Variants in INTS9 observed in about 807,000 individuals in gnomAD.
INTS9 encodes protein related to CPSF subunits of 74 kDa.
INTS9 carries 55 observed loss-of-function variants against 79.7 expected under a neutral mutation model. That is an observed-to-expected ratio of 0.69 (90% CI 0.56 to 0.86). The LOEUF is 0.86. Ranked by LOEUF, INTS9 falls within the 40% of genes least tolerant of loss-of-function variation. The pLI, the probability that INTS9 is intolerant of heterozygous loss-of-function variation, is 0.00. For missense variants in INTS9, 721 were observed against 831.5 expected, an observed-to-expected ratio of 0.87 and a Z score of 1.64; for synonymous variants, 319 against 325.2, an observed-to-expected ratio of 0.98 and a Z score of 0.20.
intron 6 of INTS9, among the ~76,000 whole-genome samples, chr8:28,819,770 A>G (rs1447673193): frequency 2.6e-5 from 4 of 152,062 alleles, no homozygotes; most frequent in Non-Finnish European, 5.9e-5. Flanking sequence ...GTCTCCCATT[A>G]TTATTGTGTG....
intron 3 of INTS9, 106 bp downstream of exon 3, chr8:28,850,107 A>G (rs1807747893): frequency 4.0e-6 from 2 of 503,968 alleles, no homozygotes; most frequent in South Asian, 3.5e-5. Context: ...TCAGAGAGGA[A>G]AAAAAAAAAA....
intron 11 of INTS9, chr8:28,783,497 ATGT>A (rs1487162268): frequency 6.6e-6 from 1 of 152,270 alleles, no homozygotes; most frequent in East Asian, 1.9e-4. Flanking sequence ...CTGTTGCCAC[ATGT>A]TGTGCATGAG....
intron 8 of INTS9, chr8:28,798,657 C>G (rs1804348727): frequency 6.6e-6 from 1 of 152,170 alleles, no homozygotes; most frequent in South Asian, 2.1e-4. Context: ...CATCACCAAG[C>G]CCGGCTAACT....
chr8:28,809,951 C>T (rs1293827836), intron 8 of INTS9, among the ~76,000 whole-genome samples: 1 of 152,206 alleles, frequency 6.6e-6, no homozygotes, highest in African/African-American at 2.4e-5. Context: ...ATGGTTCTCC[C>T]TGTATTAAAA....
intron 2 of INTS9, among the ~76,000 whole-genome samples, chr8:28,852,180 C>A (rs748301315): frequency 2.0e-5 from 3 of 152,036 alleles, no homozygotes; most frequent in Non-Finnish European, 2.9e-5. Flanking sequence ...GATTGTGCCA[C>A]TGCCACAAAG....
At chr8:28,772,146 C>G (rs944453102) in intron 14 of INTS9, among the ~76,000 whole-genome samples, 2 of 152,204 alleles carry the variant, frequency 1.3e-5, no homozygotes, top group Non-Finnish European at 2.9e-5. Context: ...CAGGCCTGAG[C>G]CAATGTGCCT....
At chr8:28,831,811 G>A (rs535886251) in intron 6 of INTS9, among the ~76,000 whole-genome samples, 1 of 152,174 alleles carries the variant, frequency 6.6e-6, no homozygotes, top group South Asian at 2.1e-4. Flanking sequence ...CGACTCTCCT[G>A]CCTTAGCCTT....
chr8:28,816,322 T>A (rs1400760912), intron 6 of INTS9, among the ~76,000 whole-genome samples: 3 of 108,648 alleles, frequency 2.8e-5, no homozygotes, highest in African/African-American at 1.1e-4. Flanking sequence ...CCCACAACAG[T>A]CCCCAGAGTG....
chr8:28,804,632 C>T (rs1047465691), intron 8 of INTS9, among the ~76,000 whole-genome samples: 4 of 152,024 alleles, frequency 2.6e-5, no homozygotes, highest in Non-Finnish European at 4.4e-5. Flanking sequence ...AGGAGGGTCC[C>T]TGAGGGTCAA....
intron 2 of INTS9, among the ~76,000 whole-genome samples, chr8:28,859,179 A>T (rs1436414772): frequency 6.6e-6 from 1 of 152,240 alleles, no homozygotes. Flanking sequence ...TGAAATATAC[A>T]TGACCTCAGT....
At chr8:28,818,445 G>A (rs1805630831) in intron 6 of INTS9, among the ~76,000 whole-genome samples, 1 of 151,930 alleles carries the variant, frequency 6.6e-6, no homozygotes, top group African/African-American at 2.4e-5. Flanking sequence ...TTTATATGCT[G>A]GATTACATTT....
At chr8:28,769,662 G>A in intron 16 of INTS9, 2 of 544,096 alleles carry the variant, frequency 3.7e-6, no homozygotes, top group Non-Finnish European at 6.4e-6. Flanking sequence ...CTTCAGTCTG[G>A]AGAGGCCTTC....
chr8:28,808,711 T>C (rs1301746368), intron 8 of INTS9, among the ~76,000 whole-genome samples: 1 of 152,266 alleles, frequency 6.6e-6, no homozygotes, highest in Non-Finnish European at 1.5e-5. Flanking sequence ...ACTTTTATTC[T>C]TTCTTTTCTG....
chr8:28,864,186 T>TA (rs1236714920), intron 1 of INTS9, among the ~76,000 whole-genome samples: 2 of 151,828 alleles, frequency 1.3e-5, no homozygotes, highest in South Asian at 2.1e-4. Context: ...GTACAAAAAA[T>TA]AAAAAAAATT....
chr8:28,787,875 T>G lies in INTS9; in HGVS notation c.1052A>C (p.Lys351Thr). Residue 351 changes from lysine (K) to threonine (T), a missense_variant, in exon 11 of 17, where the codon AAA becomes ACA. Around this residue, in one of 3 missense-constraint regions of INTS9, gnomAD observed 149 missense variants for 223.7 expected, o/e 0.67. Transcript: ENST00000521022. ...QIFAEWLCHNKQSKVYLPEPP... is the reference protein window; with the variant it reads ...QIFAEWLCHNTQSKVYLPEPP... ...TTCTGGAAGATACACCTTACTCTGT[T>G]TGTTGTGACAAAGCCTATTAAAGAG... The G allele has an allele frequency of 6.2e-7, 1 of 1,602,446 alleles. No homozygotes were observed. The highest frequency in any genetic ancestry group is 1.1e-5 in the South Asian group (1 of 90,124).
chr8:28,802,390 C>T lies in INTS9; in HGVS notation c.745-5735G>A, dbSNP rs569686498. 5.3e-5 allele frequency among the ~76,000 whole-genome samples: 8 copies of T among 152,316 alleles called. No homozygotes were observed. In the South Asian group the frequency reaches 1.4e-3, roughly 28 times the overall value. ...AGAACCACTGCTCGAAGGCAGACAT[C>T]CCCCTGTGGAATCCTTGCTTTCAAA... On this transcript the variant is annotated intron_variant, in intron 8 of 16. Transcript: ENST00000521022.
chr8:28,816,947 G>C (rs935575876), intron 6 of INTS9, among the ~76,000 whole-genome samples: 5 of 150,118 alleles, frequency 3.3e-5, no homozygotes, highest in African/African-American at 1.2e-4. Flanking sequence ...CTGCATAAAT[G>C]TCTTCTTTTG....
At chr8:28,770,583 T>A (rs1585317625) in intron 15 of INTS9, among the ~76,000 whole-genome samples, 1 of 152,170 alleles carries the variant, frequency 6.6e-6, no homozygotes. Context: ...ACAGTCCAGA[T>A]CTGAAAGGAA....
chr8:28,770,974 C>T lies in INTS9; in HGVS notation c.1662+8G>A. The T allele has an allele frequency of 1.2e-6, 2 of 1,610,332 alleles. No individual in the cohort carries two copies. Among genetic ancestry groups the T allele is most frequent in the Non-Finnish European group, 1.7e-6 (2 of 1,178,108 alleles). ...GGGTCCCCTGCACTCCCACCCAGCA[C>T]CCCCTACCTGAAGCAAGTGCTTGTT... On this transcript the variant is annotated splice_region_variant and intron_variant, in intron 15 of 16. Transcript: ENST00000521022.
Sources: gnomAD v4.1 joint callset for allele counts (sites outside exome capture counted in the v4.1 genomes callset) on GRCh38, gnomAD v4.1.1 for gene constraint, gnomAD v4.1.1 regional missense constraint, MANE v1.5 for transcripts, NCBI Gene and HGNC (gene_info 2026-07-23, HGNC 2026-07-21) for gene names.